The following MYO18B variants were observed in gnomAD, a reference collection of about 807,000 sequenced individuals.
MYO18B encodes the protein myosin XVIIIB.
In MYO18B, 204 loss-of-function variants were observed where a neutral mutation model predicts 273.0. That is an observed-to-expected ratio of 0.75 (90% CI 0.67 to 0.84). The LOEUF (loss-of-function observed/expected upper bound fraction) is 0.84, where lower values mean the gene tolerates loss of function less well. Among genes scored for constraint, MYO18B ranks in the 40% least tolerant of loss-of-function variants. The pLI is 0.00. For synonymous variants in MYO18B, 1,330 were observed against 1,305.7 expected (o/e 1.02, Z -0.40); for missense variants, 3,212 against 3,287.6 (o/e 0.98, Z 0.56).
chr22:25,860,202 A>T (rs1265859661), intron 21 of MYO18B, among the ~76,000 whole-genome samples: 1 of 152,218 alleles, frequency 6.6e-6, no homozygotes. Flanking sequence ...GACTGTACTA[A>T]TTAGTAGCAT....
chr22:25,976,042 G>A (rs1273167924), intron 39 of MYO18B, among the ~76,000 whole-genome samples: 1 of 152,138 alleles, frequency 6.6e-6, no homozygotes. Context: ...TCAGCTGGGG[G>A]TGATTTTGTC....
chr22:25,878,434 A>G (rs1266166842), intron 25 of MYO18B, among the ~76,000 whole-genome samples: 1 of 152,244 alleles, frequency 6.6e-6, no homozygotes, highest in African/African-American at 2.4e-5. Flanking sequence ...CTTACTTGGA[A>G]TAGAAATTTG....
intron 22 of MYO18B, among the ~76,000 whole-genome samples, chr22:25,872,839 G>C (rs1448107587): frequency 2.0e-5 from 3 of 152,194 alleles, no homozygotes; most frequent in African/African-American, 7.2e-5. Flanking sequence ...TGTCATCAAT[G>C]AATACAGAGT....
rs955252248 is a variant in MYO18B at position 25,883,635 on chromosome 22, C to T, written c.4314+5587C>T. 1.3e-5 allele frequency: 2 copies of T among 152,168 alleles called. No homozygotes were observed. The highest frequency in any genetic ancestry group is 4.8e-5 in the African/African-American group (2 of 41,448). The allele number at this position is 152,168 out of a possible 1,614,324, so 9.4% of individuals were successfully genotyped here. A position where few individuals can be genotyped will look rare whatever the true frequency, so the allele number is the denominator to read the frequency against. ...AACAGACAGGGATCAGACACCCTTC[C>T]AGGACCATGCATCATGATGACACCC... On this transcript the variant is annotated intron_variant, in intron 25 of 43. Transcript: ENST00000335473. The surrounding 1 kb of genome is among the most constrained non-coding windows in gnomAD (Gnocchi z 7.6).
chr22:26,031,091 A>G, downstream of MYO18B: 4 of 396,144 alleles, frequency 1.0e-5, no homozygotes, highest in Non-Finnish European at 1.8e-5. Context: ...ATGTGCACCC[A>G]CATCAACATT....
At chr22:25,879,853 C>T (rs1345492135) in intron 25 of MYO18B, among the ~76,000 whole-genome samples, 2 of 152,302 alleles carry the variant, frequency 1.3e-5, no homozygotes, top group East Asian at 1.9e-4. Flanking sequence ...GCACATCCTA[C>T]ATGGCTGGAG....
chr22:25,800,926 C>T (rs557370475), intron 12 of MYO18B, among the ~76,000 whole-genome samples: 1 of 152,338 alleles, frequency 6.6e-6, no homozygotes, highest in South Asian at 2.1e-4. Context: ...CTCCCCCTAT[C>T]CCACGTTATA....
At chr22:25,881,778 A>T (rs557199326) in intron 25 of MYO18B, among the ~76,000 whole-genome samples, 13 of 152,352 alleles carry the variant, frequency 8.5e-5, no homozygotes, top group African/African-American at 2.6e-4. Context: ...CTCTTTGCTT[A>T]TATCATGGTT....
rs550528918 is a variant in MYO18B, at chr22:25,845,386, G to C, written c.3369-714G>C. On this transcript the variant is annotated intron_variant, in intron 18 of 43. Coordinates refer to ENST00000335473, the MANE Select transcript of MYO18B (RefSeq NM_032608.7). Reference sequence around the variant, plus strand: ...ACAAAAATTAGCTGGGCCTGGTGGCGTGTGCCTATAGTCCCAGCTACTCGG... The same window carrying C: ...ACAAAAATTAGCTGGGCCTGGTGGCCTGTGCCTATAGTCCCAGCTACTCGG... Among the ~76,000 whole-genome samples, 43 of 152,258 alleles carry C rather than the reference G, an allele frequency of 2.8e-4. No homozygotes were observed. In the South Asian group the frequency reaches 8.9e-3, roughly 32 times the overall value.
At chr22:26,011,509 AC>A (rs1362234716) in intron 42 of MYO18B, among the ~76,000 whole-genome samples, 1 of 152,210 alleles carries the variant, frequency 6.6e-6, no homozygotes, top group African/African-American at 2.4e-5. Flanking sequence ...AATGTTTTCC[AC>A]CAAGGGGGAA....
intron 21 of MYO18B, among the ~76,000 whole-genome samples, chr22:25,859,045 A>T (rs2090654091): frequency 6.6e-6 from 1 of 152,204 alleles, no homozygotes. Context: ...AGGATTGAGC[A>T]ATTTAACGTA....
chr22:25,871,568 C>T (rs540292315), intron 22 of MYO18B, among the ~76,000 whole-genome samples: 28 of 152,164 alleles, frequency 1.8e-4, no homozygotes, highest in Non-Finnish European at 3.2e-4. Context: ...TTTTGTCCCC[C>T]GTGGATTCCT....
At chr22:25,830,148 T>G (rs1455880471) in intron 15 of MYO18B, among the ~76,000 whole-genome samples, 1 of 152,052 alleles carries the variant, frequency 6.6e-6, no homozygotes, top group Non-Finnish European at 1.5e-5. Context: ...GTAATAAAAA[T>G]AAAGCACCAA....
chr22:25,835,569 G>A, intron 17 of MYO18B, 126 bp downstream of exon 17: 1 of 1,145,826 alleles, frequency 8.7e-7, no homozygotes, highest in Non-Finnish European at 1.2e-6. Flanking sequence ...AGGTGAATGT[G>A]CATGAGCCTG....
intron 1 of MYO18B, among the ~76,000 whole-genome samples, chr22:25,754,448 G>A (rs1036374818): frequency 6.6e-6 from 1 of 152,120 alleles, no homozygotes; most frequent in Non-Finnish European, 1.5e-5. Context: ...TGGACATTGT[G>A]GGGTAGTGGG....
chr22:25,898,192 C>T (rs1380862823), intron 28 of MYO18B, 115 bp from the exon 29 acceptor site: 12 of 1,204,114 alleles, frequency 1.0e-5, no homozygotes, highest in Non-Finnish European at 1.3e-5. Context: ...CTCCCCATTC[C>T]AGCATCTGCT....
intron 1 of MYO18B, among the ~76,000 whole-genome samples, chr22:25,757,393 C>T (rs1425950686): frequency 4.6e-5 from 7 of 151,956 alleles, no homozygotes; most frequent in Admixed American, 6.6e-5. Flanking sequence ...GTCAGGAGTT[C>T]GAGACTAGCC....
At chr22:25,826,333 C>T in intron 13 of MYO18B, 76 bp from the exon 14 acceptor site, 1 of 1,069,472 alleles carries the variant, frequency 9.4e-7, no homozygotes, top group Non-Finnish European at 1.4e-6. Flanking sequence ...TGAGTGGTCC[C>T]TACTGCTCTG....
chr22:26,053,070 G>A, the MYO18B span, among the ~76,000 whole-genome samples: 1 of 152,114 alleles, frequency 6.6e-6, no homozygotes, highest in Non-Finnish European at 1.5e-5. Flanking sequence ...AACTCCCAAA[G>A]GGCTGGGATT....
Sources: gnomAD v4.1 joint callset for allele counts (sites outside exome capture counted in the v4.1 genomes callset) on GRCh38, gnomAD v4.1.1 for gene constraint, Gnocchi (gnomAD v3.1) non-coding constraint, MANE v1.5 for transcripts, NCBI Gene and HGNC (gene_info 2026-07-23, HGNC 2026-07-21) for gene names.